MALRD1: variants seen among roughly 807,000 people sequenced by gnomAD.
MALRD1 encodes MAM and LDL receptor class A domain containing 1.
In MALRD1, 247 loss-of-function variants were observed where a neutral mutation model predicts 242.1. The ratio of observed to expected loss-of-function variants is 1.02; its 90% confidence interval spans 0.92 to 1.13. The LOEUF is 1.13. Ranked by LOEUF, MALRD1 falls within the 50% of genes most tolerant of loss-of-function variation. The probability of loss-of-function intolerance (pLI) is 0.00; values close to 1 mark genes in which losing one functional copy is unlikely to be tolerated. For synonymous variants in MALRD1, 995 were observed against 866.6 expected (o/e 1.15, Z -2.60); for missense variants, 2,989 against 2,533.1 (o/e 1.18, Z -3.86).
At chr10:19,472,872 TC>T (rs71507283) in intron 29 of MALRD1, among the ~76,000 whole-genome samples, 1 of 151,538 alleles carries the variant, frequency 6.6e-6, no homozygotes, top group Non-Finnish European at 1.5e-5. Context: ...TTTGTCTCAT[TC>T]CCTGTATCAT....
chr10:19,134,138 G>A (rs188245305), intron 9 of MALRD1, among the ~76,000 whole-genome samples, 190 bp downstream of exon 9: 9 of 152,140 alleles, frequency 5.9e-5, no homozygotes, highest in East Asian at 5.8e-4. Flanking sequence ...TTCCCATGGC[G>A]GGGGAAATTG....
At chr10:19,448,098 A>G (rs922756666) in intron 28 of MALRD1, among the ~76,000 whole-genome samples, 3 of 152,240 alleles carry the variant, frequency 2.0e-5, no homozygotes, top group African/African-American at 7.2e-5. Flanking sequence ...AGAACAAGAC[A>G]TCAGACATAT....
At chr10:19,127,643 T>G (rs1025424576) in intron 7 of MALRD1, among the ~76,000 whole-genome samples, 1 of 152,164 alleles carries the variant, frequency 6.6e-6, no homozygotes, top group Non-Finnish European at 1.5e-5. Flanking sequence ...CTCAAATTGG[T>G]TTTAAATATC....
At chr10:19,539,400 T>C (rs186781226) in intron 32 of MALRD1, among the ~76,000 whole-genome samples, 1 of 152,344 alleles carries the variant, frequency 6.6e-6, no homozygotes, top group Non-Finnish European at 1.5e-5. Context: ...AGGGTTTGCA[T>C]TTTCATTACT....
intron 34 of MALRD1, among the ~76,000 whole-genome samples, chr10:19,599,543 A>T (rs1838255823): frequency 6.6e-6 from 1 of 152,216 alleles, no homozygotes; most frequent in South Asian, 2.1e-4. Flanking sequence ...TTCCTCTGAT[A>T]GCCATCTTCT....
chr10:19,066,810 G>C lies in MALRD1; in HGVS notation c.291G>C (p.Gly97=). Residue 97 remains glycine (G), a synonymous_variant, in exon 2 of 40, where the codon GGG becomes GGC. Transcript: ENST00000454679. ...SLQPSWTKRS[G]MIGLSPPFYD... ...AACCTAGTTGGACAAAGAGAAGTGGGATGATTGGTCTATCACCTCCATTTT... is the reference window on the plus strand; with the variant it reads ...AACCTAGTTGGACAAAGAGAAGTGGCATGATTGGTCTATCACCTCCATTTT... 1 of 1,233,700 alleles carries C rather than the reference G, an allele frequency of 8.1e-7. No homozygotes were observed. The highest frequency in any genetic ancestry group is 1.0e-6 in the Non-Finnish European group (1 of 988,062). 76.4% of individuals were successfully genotyped at this position (1,233,700 alleles called of 1,614,324 possible).
chr10:19,583,623 T>C (rs1837240160), intron 33 of MALRD1, among the ~76,000 whole-genome samples: 1 of 152,150 alleles, frequency 6.6e-6, no homozygotes, highest in African/African-American at 2.4e-5. Context: ...GGATTCGGTT[T>C]GCCAGTATTT....
chr10:19,155,742 A>C (rs534085205), intron 12 of MALRD1, among the ~76,000 whole-genome samples: 5 of 152,226 alleles, frequency 3.3e-5, no homozygotes, highest in African/African-American at 7.2e-5. Flanking sequence ...CACCAGAAAC[A>C]TACATGATTG....
chr10:19,239,735 G>A (rs1406725892), intron 18 of MALRD1, among the ~76,000 whole-genome samples: 1 of 152,034 alleles, frequency 6.6e-6, no homozygotes, highest in African/African-American at 2.4e-5. Flanking sequence ...AATCTTCTCA[G>A]TACCATTTAA....
intron 5 of MALRD1, among the ~76,000 whole-genome samples, chr10:19,109,836 G>A (rs984307421): frequency 3.3e-5 from 5 of 152,216 alleles, no homozygotes; most frequent in East Asian, 1.9e-4. Flanking sequence ...GCATAACCAT[G>A]TCAACTTCTG....
chr10:19,275,495 C>T (rs1840466945), intron 19 of MALRD1, among the ~76,000 whole-genome samples: 1 of 151,960 alleles, frequency 6.6e-6, no homozygotes, highest in Admixed American at 6.6e-5. Context: ...AGTGAAACCC[C>T]GTCTCTACTA....
At chr10:19,299,116 G>A (rs892207797) in intron 21 of MALRD1, among the ~76,000 whole-genome samples, 28 of 151,852 alleles carry the variant, frequency 1.8e-4, no homozygotes, top group African/African-American at 6.8e-4. Context: ...TGAATGAAAA[G>A]CTGACAGATA....
At chr10:19,684,132 C>T (rs1163026276) in intron 36 of MALRD1, among the ~76,000 whole-genome samples, 1 of 152,112 alleles carries the variant, frequency 6.6e-6, no homozygotes, top group Non-Finnish European at 1.5e-5. Context: ...TTTTTTATGT[C>T]TGCATATTTT....
chr10:19,514,625 T>G (rs1253325891), intron 31 of MALRD1, among the ~76,000 whole-genome samples: 1 of 152,136 alleles, frequency 6.6e-6, no homozygotes, highest in African/African-American at 2.4e-5. Flanking sequence ...ATTAAAATAT[T>G]TAAAGACAAA....
intron 38 of MALRD1, among the ~76,000 whole-genome samples, chr10:19,693,886 G>A (rs182796008): frequency 6.6e-6 from 1 of 151,844 alleles, no homozygotes. Context: ...AGATATAGAC[G>A]AATGGAACAG....
intron 35 of MALRD1, among the ~76,000 whole-genome samples, chr10:19,615,531 A>AAAAAAAAAAC (rs1839109571): frequency 6.8e-6 from 1 of 146,754 alleles, no homozygotes; most frequent in African/African-American, 2.7e-5. Flanking sequence ...AAAAAAAAAA[A>AAAAAAAAAAC]AAAAGAGGAA....
chr10:19,416,684 G>T (rs1371673563), intron 28 of MALRD1, among the ~76,000 whole-genome samples: 8 of 152,150 alleles, frequency 5.3e-5, no homozygotes, highest in Non-Finnish European at 8.8e-5. Flanking sequence ...CTCTTCTGCT[G>T]AAGGACCTTG....
chr10:19,563,108 G>A (rs1487676813), intron 32 of MALRD1, among the ~76,000 whole-genome samples: 3 of 152,120 alleles, frequency 2.0e-5, no homozygotes, highest in African/African-American at 7.2e-5. Flanking sequence ...TCTGTGCTGT[G>A]TACAGTTAAT....
chr10:19,253,622 A>G (rs1839387225), intron 18 of MALRD1, among the ~76,000 whole-genome samples: 2 of 152,098 alleles, frequency 1.3e-5, no homozygotes, highest in African/African-American at 4.8e-5. Flanking sequence ...TGTTTTATTT[A>G]AAATAAGCCA....
Sources: gnomAD v4.1 joint callset for allele counts (sites outside exome capture counted in the v4.1 genomes callset) on GRCh38, gnomAD v4.1.1 for gene constraint, MANE v1.5 for transcripts, NCBI Gene and HGNC (gene_info 2026-07-23, HGNC 2026-07-21) for gene names.